DLG2: variants seen among roughly 807,000 people sequenced by gnomAD.
DLG2 encodes the protein discs large MAGUK scaffold protein 2.
A neutral mutation model predicts 132.5 loss-of-function variants in DLG2; 45 were observed. That is an observed-to-expected ratio of 0.34 (90% CI 0.27 to 0.44). DLG2 has a LOEUF of 0.44. DLG2 is among the 20% of genes least tolerant of loss of function. The probability of loss-of-function intolerance (pLI) is 1.00; values close to 1 mark genes in which losing one functional copy is unlikely to be tolerated. For missense variants in DLG2, 1,045 were observed against 1,196.9 expected (o/e 0.87, Z 1.87); for synonymous variants, 424 against 419.6 (o/e 1.01, Z -0.13).
At chr11:83,749,703 G>T (rs1212017120) in intron 18 of DLG2, among the ~76,000 whole-genome samples, 1 of 152,098 alleles carries the variant, frequency 6.6e-6, no homozygotes, top group Non-Finnish European at 1.5e-5. Flanking sequence ...GTTCCTTTTG[G>T]TTCACATCTA....
At chr11:85,262,337 T>C (rs544891457) in intron 4 of DLG2, among the ~76,000 whole-genome samples, 1 of 152,190 alleles carries the variant, frequency 6.6e-6, no homozygotes, top group Non-Finnish European at 1.5e-5. Context: ...AAGGCTGGAA[T>C]GTAACAAAAG....
intron 11 of DLG2, among the ~76,000 whole-genome samples, chr11:84,032,245 T>C (rs1435305947): frequency 6.6e-6 from 1 of 152,072 alleles, no homozygotes; most frequent in African/African-American, 2.4e-5. Context: ...CTGAGGTAGG[T>C]AGAAAGCTAG....
chr11:85,010,027 T>A (rs542068317), intron 6 of DLG2, among the ~76,000 whole-genome samples: 5 of 152,088 alleles, frequency 3.3e-5, no homozygotes, highest in African/African-American at 4.8e-5. Flanking sequence ...ACCTAGCCAT[T>A]GTTTTCAGGT....
At position 84,227,717 on chromosome 11, in the gene DLG2, C is replaced by T. The variant is rs1212974102; in HGVS notation, c.573+23521G>A. ...TAGGCGGATCACAAGGTCAGGAGAC[C>T]ACCCTGGCCGACATAATGAAACCTT... On this transcript the variant is annotated intron_variant, in intron 8 of 27. Transcript: ENST00000376104. 3.3e-5 allele frequency among the ~76,000 whole-genome samples: 5 copies of T among 151,940 alleles called. No homozygotes were observed. The South Asian group carries it at 6.2e-4, about 19-fold the overall frequency.
chr11:84,840,369 G>A (rs923476907), intron 6 of DLG2, among the ~76,000 whole-genome samples: 2 of 152,158 alleles, frequency 1.3e-5, no homozygotes, highest in African/African-American at 4.8e-5. Flanking sequence ...TGGAGATATA[G>A]GAATGCTTTT....
At chr11:85,447,422 T>A (rs188632739) in intron 3 of DLG2, among the ~76,000 whole-genome samples, 104 of 152,174 alleles carry the variant, frequency 6.8e-4, no homozygotes, top group Middle Eastern at 3.4e-3. Flanking sequence ...CCTAATCCAA[T>A]ATGACTGGTG....
chr11:85,303,404 G>A (rs1167229717), intron 3 of DLG2, among the ~76,000 whole-genome samples: 2 of 152,080 alleles, frequency 1.3e-5, no homozygotes, highest in Admixed American at 6.6e-5. Context: ...AATAGCAGAG[G>A]GAGAAAAGAA....
chr11:84,981,829 A>G (rs1419233556), intron 6 of DLG2, among the ~76,000 whole-genome samples: 2 of 151,956 alleles, frequency 1.3e-5, no homozygotes, highest in Non-Finnish European at 2.9e-5. Flanking sequence ...CCTCCCACTC[A>G]TCTTTCACTC....
At chr11:84,088,375 GA>G (rs553371066) in intron 10 of DLG2, among the ~76,000 whole-genome samples, 10,314 of 110,596 alleles carry the variant, frequency 0.093, 607 homozygotes, top group African/African-American at 0.22. Context: ...ATTTGCTAGA[GA>G]AAAAAAAAAA....
At chr11:85,608,179 G>C (rs1461234971) in intron 2 of DLG2, among the ~76,000 whole-genome samples, 1 of 152,100 alleles carries the variant, frequency 6.6e-6, no homozygotes, top group African/African-American at 2.4e-5. Context: ...TGGGCATGGG[G>C]AGAAACAAAC....
chr11:84,573,692 A>G (rs2099491391), intron 6 of DLG2, among the ~76,000 whole-genome samples: 1 of 152,168 alleles, frequency 6.6e-6, no homozygotes, highest in Non-Finnish European at 1.5e-5. Context: ...TTTAAAATAG[A>G]AGCAAATATT....
chr11:85,517,469 A>G (rs1462990941), intron 3 of DLG2, among the ~76,000 whole-genome samples: 2 of 152,180 alleles, frequency 1.3e-5, no homozygotes, highest in Non-Finnish European at 2.9e-5. Flanking sequence ...CAGCATCCAA[A>G]TTGAAAAAGA....
chr11:83,527,788 A>G (rs2095645106), intron 21 of DLG2, among the ~76,000 whole-genome samples: 1 of 152,150 alleles, frequency 6.6e-6, no homozygotes, highest in East Asian at 1.9e-4. Flanking sequence ...TCTCTTACAT[A>G]TATTTCCCTT....
chr11:83,776,802 A>G (rs550695044), intron 18 of DLG2, among the ~76,000 whole-genome samples: 1 of 151,766 alleles, frequency 6.6e-6, no homozygotes, highest in Admixed American at 6.6e-5. Context: ...ATACCTACTC[A>G]CCCTTCAGAT....
intron 6 of DLG2, among the ~76,000 whole-genome samples, chr11:85,044,682 C>A (rs888141952): frequency 5.9e-5 from 9 of 151,970 alleles, no homozygotes; most frequent in African/African-American, 1.9e-4. Context: ...CTTAAACTTG[C>A]CTATATGAAC....
chr11:84,722,912 A>G (rs572062924), intron 6 of DLG2, among the ~76,000 whole-genome samples: 1 of 152,312 alleles, frequency 6.6e-6, no homozygotes, highest in East Asian at 1.9e-4. Context: ...GGTCTAATCT[A>G]TACGTTCTTA....
intron 6 of DLG2, among the ~76,000 whole-genome samples, chr11:84,697,052 A>C (rs1056851815): frequency 6.6e-5 from 10 of 151,378 alleles, no homozygotes; most frequent in African/African-American, 2.4e-4. Context: ...ATAACCTCCA[A>C]ATTTTTACCT....
In DLG2 at chr11:85,512,778, G is replaced by T. The variant is rs2094103719; in HGVS notation, c.40+85879C>A. Among the ~76,000 whole-genome samples the T allele has an allele frequency of 2.6e-5, 4 of 152,106 alleles. No homozygotes were observed. The South Asian group carries it at 6.2e-4, about 24-fold the overall frequency. ...TTAGTTTAGTCCCTTGGAAAGCAGT[G>T]TGGAGATTTCTCAAAGAACTGAAAA... On this transcript the variant is annotated intron_variant, in intron 3 of 27. Coordinates refer to ENST00000376104, the MANE Select transcript of DLG2 (RefSeq NM_001142699.3).
chr11:83,895,282 C>G (rs1481504558), intron 15 of DLG2, among the ~76,000 whole-genome samples: 1 of 151,886 alleles, frequency 6.6e-6, no homozygotes, highest in Non-Finnish European at 1.5e-5. Context: ...GCCTCAGCCT[C>G]CCGAGTAGCT....
Sources: allele counts gnomAD v4.1 joint callset (sites outside exome capture counted in the v4.1 genomes callset), GRCh38; gene constraint gnomAD v4.1.1; transcripts MANE v1.5; gene names NCBI Gene and HGNC (gene_info 2026-07-23, HGNC 2026-07-21).